The following NBEA variants were observed in gnomAD, a reference collection of about 807,000 sequenced individuals.
NBEA encodes neurobeachin, also known as lysosomal-trafficking regulator 2.
A neutral mutation model predicts 343.4 loss-of-function variants in NBEA; 44 were observed. The observed-to-expected ratio is 0.13, with a 90% CI of 0.10 to 0.16. NBEA has a LOEUF of 0.16. Among genes scored for constraint, NBEA ranks in the 10% least tolerant of loss-of-function variants. The pLI is 1.00. For missense variants in NBEA, 2,555 were observed against 3,631.3 expected, an observed-to-expected ratio of 0.70 and a Z score of 7.62; for synonymous variants, 1,175 against 1,238.7, an observed-to-expected ratio of 0.95 and a Z score of 1.08.
chr13:35,036,849 G>A (rs1431134985), intron 1 of NBEA, among the ~76,000 whole-genome samples: 2 of 151,936 alleles, frequency 1.3e-5, no homozygotes, highest in African/African-American at 4.8e-5. Flanking sequence ...TGACCTTTGG[G>A]CGCTTGATTA....
chr13:35,606,124 A>G (rs1049632085), intron 47 of NBEA, among the ~76,000 whole-genome samples: 3 of 152,086 alleles, frequency 2.0e-5, no homozygotes, highest in Non-Finnish European at 4.4e-5. Flanking sequence ...TGCTATTGTG[A>G]ACTGTTGTTA....
At chr13:35,303,676 A>G (rs2036699357) in intron 35 of NBEA, among the ~76,000 whole-genome samples, 1 of 152,148 alleles carries the variant, frequency 6.6e-6, no homozygotes. Context: ...TCTTTTATGC[A>G]TTCATCAGGA....
chr13:35,547,128 G>A (rs555947290), intron 41 of NBEA, among the ~76,000 whole-genome samples: 1 of 152,252 alleles, frequency 6.6e-6, no homozygotes, highest in South Asian at 2.1e-4. Flanking sequence ...AAGTAATTAG[G>A]TAGGTTTTTT....
At chr13:35,029,195 C>T (rs2062116843) in intron 1 of NBEA, among the ~76,000 whole-genome samples, 1 of 151,282 alleles carries the variant, frequency 6.6e-6, no homozygotes, top group East Asian at 1.9e-4. Context: ...TGATATATAA[C>T]ACATATATAT....
At position 35,522,971 on chromosome 13, in the gene NBEA, G is replaced by A. The variant is rs563624913; in HGVS notation, c.6586-27506G>A. Among the ~76,000 whole-genome samples, 20 of 152,190 alleles carry A rather than the reference G, an allele frequency of 1.3e-4. No individual in the cohort carries two copies. The East Asian group carries it at 3.9e-3, about 29-fold the overall frequency. On this transcript the variant is annotated intron_variant, in intron 41 of 58. Transcript: ENST00000379939. ...CAGTGAAAATAAAAAGAACAGATGT[G>A]AGAAATACTGTGGAGCTGGAATCAA...
intron 3 of NBEA, 86 bp downstream of exon 3, chr13:35,045,133 T>C: frequency 7.9e-7 from 1 of 1,265,356 alleles, no homozygotes; most frequent in Non-Finnish European, 1.1e-6. Context: ...AGCTATATAC[T>C]TGAATTTATA....
chr13:35,344,615 G>A (rs930291551), intron 36 of NBEA, among the ~76,000 whole-genome samples: 1 of 151,912 alleles, frequency 6.6e-6, no homozygotes, highest in Non-Finnish European at 1.5e-5. Flanking sequence ...AAGAAAATGA[G>A]AGTGCTATCA....
At chr13:35,459,570 A>G (rs2046795161) in intron 40 of NBEA, among the ~76,000 whole-genome samples, 1 of 152,190 alleles carries the variant, frequency 6.6e-6, no homozygotes, top group Non-Finnish European at 1.5e-5. Flanking sequence ...AAGTTATGGC[A>G]GATAATGTAT....
chr13:35,325,819 A>G (rs2038518874), intron 36 of NBEA, among the ~76,000 whole-genome samples: 1 of 151,932 alleles, frequency 6.6e-6, no homozygotes, highest in South Asian at 2.1e-4. Flanking sequence ...ATCTTTCTTT[A>G]GTTAATTTTT....
intron 38 of NBEA, among the ~76,000 whole-genome samples, chr13:35,411,050 T>C (rs903710528): frequency 1.3e-5 from 2 of 152,218 alleles, no homozygotes; most frequent in African/African-American, 2.4e-5. Flanking sequence ...CCTTTGCTCT[T>C]GACCAGTTCT....
chr13:35,388,995 T>C (rs2042375668), intron 38 of NBEA, among the ~76,000 whole-genome samples: 3 of 152,018 alleles, frequency 2.0e-5, no homozygotes, highest in African/African-American at 4.8e-5. Flanking sequence ...TGCTAAGACT[T>C]CTTGAAAAGT....
rs1274387889 is a variant in NBEA, at chr13:35,209,166, GA to G, written c.5521+313del. On this transcript the variant is annotated intron_variant, in intron 32 of 58. Transcript: ENST00000379939. ...AAGGATAATTTGAACACTGAAGTTT[GA>G]TATGTAAAAATCAGTAAAATGTATC... Among the ~76,000 whole-genome samples the G allele has an allele frequency of 3.3e-5, 5 of 152,098 alleles. No individual in the cohort carries two copies. In the East Asian group the frequency reaches 9.7e-4, roughly 29 times the overall value.
At chr13:35,145,257 G>A (rs2068346726) in intron 18 of NBEA, among the ~76,000 whole-genome samples, 1 of 152,154 alleles carries the variant, frequency 6.6e-6, no homozygotes, top group African/African-American at 2.4e-5. Context: ...GCAAATTCCT[G>A]TCATACCCAG....
intron 39 of NBEA, among the ~76,000 whole-genome samples, chr13:35,445,794 A>ATATG (rs1555267125): frequency 1.0e-4 from 8 of 80,026 alleles, no homozygotes; most frequent in African/African-American, 4.0e-4. Flanking sequence ...ATATATATAT[A>ATATG]TATATATATA....
At chr13:35,626,859 G>C (rs1439575574) in intron 48 of NBEA, among the ~76,000 whole-genome samples, 1 of 152,074 alleles carries the variant, frequency 6.6e-6, no homozygotes, top group Non-Finnish European at 1.5e-5. Flanking sequence ...TTTGCCTTTA[G>C]TATGGAAACT....
At chr13:35,238,764 A>G (rs1219844206) in intron 34 of NBEA, among the ~76,000 whole-genome samples, 5 of 152,046 alleles carry the variant, frequency 3.3e-5, no homozygotes, top group Non-Finnish European at 5.9e-5. Context: ...TGAAGGGTCC[A>G]CTCTACTTTT....
chr13:35,629,795 C>T (rs1449975066), intron 49 of NBEA, among the ~76,000 whole-genome samples: 1 of 152,140 alleles, frequency 6.6e-6, no homozygotes, highest in East Asian at 1.9e-4. Context: ...TATTACATGC[C>T]TGTTTTATTA....
chr13:35,507,735 C>T (rs529461805), intron 41 of NBEA, among the ~76,000 whole-genome samples: 1 of 152,272 alleles, frequency 6.6e-6, no homozygotes, highest in South Asian at 2.1e-4. Flanking sequence ...ATCTCCATGG[C>T]TACCATGTAG....
At chr13:35,090,877 A>G (rs549248516) in intron 10 of NBEA, among the ~76,000 whole-genome samples, 1 of 152,016 alleles carries the variant, frequency 6.6e-6, no homozygotes, top group African/African-American at 2.4e-5. Context: ...AGAATGGGGA[A>G]CAAGAGCAGA....
Sources: allele counts gnomAD v4.1 joint callset (sites outside exome capture counted in the v4.1 genomes callset), GRCh38; gene constraint gnomAD v4.1.1; transcripts MANE v1.5; gene names NCBI Gene and HGNC (gene_info 2026-07-23, HGNC 2026-07-21).